PSMF1: variants seen among roughly 807,000 people sequenced by gnomAD.
PSMF1 encodes proteasome inhibitor PI31 subunit.
Under a neutral mutation model 29.3 loss-of-function variants are expected in PSMF1, and 30 were observed. That is an observed-to-expected ratio of 1.02 (90% CI 0.77 to 1.39). The LOEUF is 1.39. PSMF1 is among the 40% of genes most tolerant of loss of function. The probability of loss-of-function intolerance (pLI) is 0.00; values close to 1 mark genes in which losing one functional copy is unlikely to be tolerated. For synonymous variants in PSMF1, 134 were observed against 139.7 expected (o/e 0.96, Z 0.29); for missense variants, 344 against 357.5 (o/e 0.96, Z 0.31).
intron 4 of PSMF1, among the ~76,000 whole-genome samples, chr20:1,140,946 A>G (rs574231787): frequency 2.0e-5 from 3 of 152,240 alleles, no homozygotes; most frequent in Non-Finnish European, 4.4e-5. Context: ...CTAAATGTCT[A>G]TCATTTGATG....
chr20:1,145,621 A>G (rs2086439970), intron 4 of PSMF1, among the ~76,000 whole-genome samples: 1 of 152,218 alleles, frequency 6.6e-6, no homozygotes, highest in Non-Finnish European at 1.5e-5. Flanking sequence ...AAGCTTCCCC[A>G]CTTAGGGTAA....
intron 4 of PSMF1, among the ~76,000 whole-genome samples, chr20:1,136,681 A>T (rs1568470840): frequency 1.3e-5 from 2 of 152,218 alleles, no homozygotes; most frequent in African/African-American, 4.8e-5. Context: ...GAGAGCATGG[A>T]TGTTTACACC....
At chr20:1,132,590 ATAAACTT>A (rs1369116617) in intron 3 of PSMF1, among the ~76,000 whole-genome samples, 1 of 152,118 alleles carries the variant, frequency 6.6e-6, no homozygotes, top group African/African-American at 2.4e-5. Context: ...GCCTTTTCAT[ATAAACTT>A]TAGAGTAAGC....
Position 1,169,381 on chromosome 20 carries a change from C to T in PSMF1, c.*4301C>T, listed in dbSNP as rs886849289. ...CCATGGGAGGTGCGAAGTGGAAGGC[C>T]CAGCCCTTGCTTGGAGGAACGTGAG... On this transcript the variant is annotated 3_prime_UTR_variant, in exon 7 of 7. Coordinates refer to ENST00000335877, the MANE Select transcript of PSMF1 (RefSeq NM_006814.5). Among the ~76,000 whole-genome samples the T allele has an allele frequency of 1.8e-4, 27 of 152,084 alleles. No individual in the cohort carries two copies. Among genetic ancestry groups the T allele is most frequent in the Non-Finnish European group, 2.9e-4 (20 of 68,024 alleles).
At chr20:1,130,101 A>T (rs2086209359) in intron 3 of PSMF1, among the ~76,000 whole-genome samples, 2 of 152,240 alleles carry the variant, frequency 1.3e-5, no homozygotes, top group African/African-American at 2.4e-5. Flanking sequence ...TGATTCTATT[A>T]AAAGTACCTA....
rs1235618208 is a variant in PSMF1, at chr20:1,144,090, C to A, written c.551+8784C>A. ...GTGACAGAGCAAGACTCCGTCCCCC[C>A]CAAAAAAAGAAAAAAATGGAAAAAT... On this transcript the variant is annotated intron_variant, in intron 4 of 6. Coordinates refer to ENST00000335877, the MANE Select transcript of PSMF1 (RefSeq NM_006814.5). Among the ~76,000 whole-genome samples, 3 of 150,772 alleles carry A rather than the reference C, an allele frequency of 2.0e-5. No homozygotes were observed. In the East Asian group the frequency reaches 5.8e-4, roughly 29 times the overall value.
At chr20:1,157,562 GAAATA>G (rs1470328569) in intron 4 of PSMF1, among the ~76,000 whole-genome samples, 1 of 142,976 alleles carries the variant, frequency 7.0e-6, no homozygotes, top group Admixed American at 7.0e-5. Context: ...AAGGAGAAAG[GAAATA>G]AAATGAAGAT....
chr20:1,163,284 T>C lies in PSMF1; in HGVS notation c.605+101T>C, dbSNP rs2086689199. 1 of 1,350,346 alleles carries C rather than the reference T, an allele frequency of 7.4e-7. No homozygotes were observed. The highest frequency in any genetic ancestry group is 1.9e-5 in the Admixed American group (1 of 51,526). 83.6% of individuals were successfully genotyped at this position (1,350,346 alleles called of 1,614,324 possible). ...TAGAGTTTTCGGTCAGTCTCTTCCT[T>C]TGGGGTGGAGGAGGCAGTTGTTGCT... On this transcript the variant is annotated intron_variant, in intron 5 of 6. Transcript: ENST00000335877. The surrounding 1 kb of genome is among the most constrained non-coding windows in gnomAD (Gnocchi z 6.1).
Position 1,164,641 on chromosome 20 carries a change from G to A in PSMF1, c.764+165G>A. 4.1e-6 allele frequency: 2 copies of A among 489,506 alleles called. No individual in the cohort carries two copies. The highest frequency in any genetic ancestry group is 5.3e-6 in the Non-Finnish European group (2 of 376,708). 30.3% of individuals were successfully genotyped at this position (489,506 alleles called of 1,614,324 possible). On this transcript the variant is annotated intron_variant, in intron 6 of 6. Transcript: ENST00000335877. The surrounding 1 kb of genome is among the most constrained non-coding windows in gnomAD (Gnocchi z 4.1). ...CAGGGCCCTGCCTGATTTCTCCCTG[G>A]AGCCTTCTAGGAGCTTCCTATCCCT...
intron 4 of PSMF1, among the ~76,000 whole-genome samples, chr20:1,137,994 CG>C (rs2086329438): frequency 6.6e-6 from 1 of 151,938 alleles, no homozygotes; most frequent in South Asian, 2.1e-4. Context: ...TGAAGTTAGG[CG>C]GGAATACACA....
intron 4 of PSMF1, among the ~76,000 whole-genome samples, chr20:1,154,220 G>T (rs185174349): frequency 6.6e-6 from 1 of 152,322 alleles, no homozygotes; most frequent in East Asian, 1.9e-4. Flanking sequence ...TTGTGTTAGA[G>T]TCAGATTATG....
At chr20:1,117,014 G>A (rs1021183816), upstream of PSMF1, among the ~76,000 whole-genome samples, 2 of 152,258 alleles carry the variant, frequency 1.3e-5, no homozygotes, top group Admixed American at 6.5e-5. Flanking sequence ...CTAAGTGTGA[G>A]ATGCTGGAGG....
chr20:1,119,184 T>C (rs1023008716), intron 1 of PSMF1, among the ~76,000 whole-genome samples: 3 of 152,138 alleles, frequency 2.0e-5, no homozygotes, highest in Non-Finnish European at 2.9e-5. Context: ...ACTGTGTGGA[T>C]CTAGCATTCC....
At chr20:1,122,369 G>A (rs1316433239) in intron 1 of PSMF1, among the ~76,000 whole-genome samples, 1 of 147,160 alleles carries the variant, frequency 6.8e-6, no homozygotes, top group Non-Finnish European at 1.5e-5. Context: ...GTGCTATCTT[G>A]GCTCACTGTA....
In PSMF1 at chr20:1,168,271, A is replaced by G. The variant is rs572132009; in HGVS notation, c.*3191A>G. 2 of 152,382 alleles carry G rather than the reference A, an allele frequency of 1.3e-5. No individual in the cohort carries two copies. Among genetic ancestry groups the G allele is most frequent in the Non-Finnish European group, 1.5e-5 (1 of 68,050 alleles). The allele number at this position is 152,382 out of a possible 1,614,324, so 9.4% of individuals were successfully genotyped here. ...GGTTTTGTCTCTAGAGAAAGTTCTC[A>G]TGACCTTCAGGTCTAATGAGATTCA... is the stretch of plus-strand genomic sequence containing the variant. On this transcript the variant is annotated 3_prime_UTR_variant, in exon 7 of 7. Coordinates refer to ENST00000335877, the MANE Select transcript of PSMF1 (RefSeq NM_006814.5).
chr20:1,163,440 C>T lies in PSMF1; in HGVS notation c.605+257C>T, dbSNP rs2086691379. Among the ~76,000 whole-genome samples, 1 of 152,170 alleles carries T rather than the reference C, an allele frequency of 6.6e-6. No homozygotes were observed. Among genetic ancestry groups the T allele is most frequent in the Non-Finnish European group, 1.5e-5 (1 of 68,032 alleles). ...CTTCTGCCATTTCCCGGTCCCCCTG[C>T]CCACCCTAGTTTATCAGATGTATAG... is the stretch of plus-strand genomic sequence containing the variant. On this transcript the variant is annotated intron_variant, in intron 5 of 6. Transcript: ENST00000335877. This position sits in a 1 kb window ranked among gnomAD's most constrained non-coding sequence, Gnocchi z 6.1.
intron 4 of PSMF1, chr20:1,160,569 C>T: frequency 6.4e-6 from 3 of 465,844 alleles, no homozygotes; most frequent in Middle Eastern, 7.0e-4. Flanking sequence ...CCGCCCAGCT[C>T]CTCCACCGAT....
At chr20:1,138,619 C>T (rs1433135983) in intron 4 of PSMF1, among the ~76,000 whole-genome samples, 2 of 151,514 alleles carry the variant, frequency 1.3e-5, no homozygotes, top group Non-Finnish European at 2.9e-5. Flanking sequence ...ATGACAGGAG[C>T]ATTCAGTTAG....
chr20:1,117,072 C>T (rs1029730394), upstream of PSMF1, among the ~76,000 whole-genome samples: 1 of 152,140 alleles, frequency 6.6e-6, no homozygotes, highest in African/African-American at 2.4e-5. Context: ...TGGTCAGATT[C>T]ATAATATATT....
Sources: allele counts gnomAD v4.1 joint callset (sites outside exome capture counted in the v4.1 genomes callset), GRCh38; gene constraint gnomAD v4.1.1; non-coding constraint Gnocchi (gnomAD v3.1); transcripts MANE v1.5; gene names NCBI Gene and HGNC (gene_info 2026-07-23, HGNC 2026-07-21).